Variants in ROR2 observed in about 807,000 individuals in gnomAD.
The protein encoded by ROR2 is ROR family WNT receptor 2.
Under a neutral mutation model 74.9 loss-of-function variants are expected in ROR2, and 33 were observed. That is an observed-to-expected ratio of 0.44 (90% CI 0.33 to 0.59). The LOEUF (loss-of-function observed/expected upper bound fraction) is 0.59, where lower values mean the gene tolerates loss of function less well. Ranked by LOEUF, ROR2 falls within the 20% of genes least tolerant of loss-of-function variation. The pLI is 0.02. For missense variants in ROR2, 1,216 were observed against 1,313.8 expected (o/e 0.93, Z 1.15); for synonymous variants, 586 against 558.7 (o/e 1.05, Z -0.69).
intron 1 of ROR2, among the ~76,000 whole-genome samples, chr9:91,867,781 C>T (rs1395601329): frequency 6.7e-6 from 1 of 149,350 alleles, no homozygotes; most frequent in African/African-American, 2.5e-5. Flanking sequence ...CAGTGTGGCA[C>T]ACATGTGGGA....
rs186705716 is a variant in ROR2 at position 91,922,424 on chromosome 9, A to G, written c.97+27443T>C. ...GTTAAATATCAACAGTTTGATGTCC[A>G]TACTGAATGTTGTTCTACTTAAATA... On this transcript the variant is annotated intron_variant, in intron 1 of 8. Transcript: ENST00000375708. Among the ~76,000 whole-genome samples, 18 of 152,264 alleles carry G rather than the reference A, an allele frequency of 1.2e-4. No individual in the cohort carries two copies. In the East Asian group the frequency reaches 3.3e-3, roughly 28 times the overall value.
chr9:91,831,558 A>T (rs1828466350), intron 1 of ROR2, among the ~76,000 whole-genome samples: 2 of 152,086 alleles, frequency 1.3e-5, no homozygotes, highest in Non-Finnish European at 2.9e-5. Context: ...GGTGGATCAC[A>T]TAAGGTCAGG....
intron 8 of ROR2, 37 bp downstream of exon 8, chr9:91,726,504 A>C: frequency 2.5e-6 from 4 of 1,589,742 alleles, no homozygotes; most frequent in Non-Finnish European, 3.4e-6. Context: ...TTAAACCTGG[A>C]AGAGCCACCC....
chr9:91,824,108 G>A (rs552401980), intron 1 of ROR2, among the ~76,000 whole-genome samples: 75 of 152,364 alleles, frequency 4.9e-4, no homozygotes, highest in African/African-American at 1.8e-3. Context: ...GATAGAATCT[G>A]CCAGACTTTC....
At chr9:91,904,882 C>T (rs555020926) in intron 1 of ROR2, among the ~76,000 whole-genome samples, 1 of 151,984 alleles carries the variant, frequency 6.6e-6, no homozygotes, top group African/African-American at 2.4e-5. Context: ...GGGACGGCTC[C>T]AAGGTGCACA....
Position 91,757,423 on chromosome 9 carries a change from C to A in ROR2, c.312G>T (p.Gln104His). ...RWLKNDAPVV[Q>H]EPRRIIIRKT... ...TCCGGATGATGATCCGCCGCGGCTCCTGCACCACCGGGGCATCATTCTTTA... is the reference window on the plus strand; with the variant it reads ...TCCGGATGATGATCCGCCGCGGCTCATGCACCACCGGGGCATCATTCTTTA... The change falls in exon 3 of 9, where the codon CAG becomes CAT. Residue 104 changes from glutamine to histidine, a missense_variant. By Grantham distance (24) the Gln-to-His change is conservative. Coordinates refer to ENST00000375708, the MANE Select transcript of ROR2 (RefSeq NM_004560.4). 1 of 1,613,912 alleles carries A rather than the reference C, an allele frequency of 6.2e-7. No individual in the cohort carries two copies. Among genetic ancestry groups the A allele is most frequent in the Non-Finnish European group, 8.5e-7 (1 of 1,179,984 alleles).
In ROR2 at chr9:91,744,900, T is replaced by A. The variant is rs111394183; in HGVS notation, c.495-7382A>T. On this transcript the variant is annotated intron_variant, in intron 4 of 8. Transcript: ENST00000375708. The stretch of plus-strand genomic sequence containing the variant: ...GCCAAACACTTTCCCCCTTGGAAGG[T>A]TGCTGTATCCTTGAAAAACCCTGAA... Among the ~76,000 whole-genome samples the A allele has an allele frequency of 8.5e-3, 1,300 of 152,224 alleles. 18 individuals are homozygous for A. Among genetic ancestry groups the A allele is most frequent in the African/African-American group, 0.03 (1,229 of 41,530 alleles).
At chr9:91,914,033 T>C (rs1831060467) in intron 1 of ROR2, among the ~76,000 whole-genome samples, 1 of 152,030 alleles carries the variant, frequency 6.6e-6, no homozygotes, top group African/African-American at 2.4e-5. Flanking sequence ...TCTGGAGAGT[T>C]TCCAGCCAGA....
At chr9:91,799,389 G>A (rs1740696346) in intron 1 of ROR2, among the ~76,000 whole-genome samples, 2 of 152,158 alleles carry the variant, frequency 1.3e-5, no homozygotes, top group Non-Finnish European at 1.5e-5. Context: ...GCCGAGACGG[G>A]GGCACGCATT....
chr9:91,754,935 C>G (rs75924618), intron 4 of ROR2, among the ~76,000 whole-genome samples: 3 of 152,046 alleles, frequency 2.0e-5, no homozygotes, highest in African/African-American at 7.2e-5. Context: ...GAGGATTGCT[C>G]GAGGCAAGAG....
At chr9:91,831,013 G>A (rs1224230078) in intron 1 of ROR2, among the ~76,000 whole-genome samples, 2 of 152,114 alleles carry the variant, frequency 1.3e-5, no homozygotes, top group Non-Finnish European at 2.9e-5. Flanking sequence ...TGTAACCCCA[G>A]CACTTTGGGA....
intron 1 of ROR2, among the ~76,000 whole-genome samples, chr9:91,833,474 C>A (rs906158732): frequency 1.3e-5 from 2 of 152,140 alleles, no homozygotes; most frequent in Non-Finnish European, 2.9e-5. Flanking sequence ...TTGAGGTCAC[C>A]CTCAACTGAT....
intron 7 of ROR2, among the ~76,000 whole-genome samples, chr9:91,728,887 C>T (rs1480656787): frequency 1.3e-5 from 2 of 152,196 alleles, no homozygotes; most frequent in Non-Finnish European, 2.9e-5. Context: ...CAGGCGTCTC[C>T]AACTGCCCCA....
At chr9:91,743,648 A>C (rs1431458201) in intron 4 of ROR2, among the ~76,000 whole-genome samples, 1 of 152,218 alleles carries the variant, frequency 6.6e-6, no homozygotes, top group East Asian at 1.9e-4. Flanking sequence ...CAAGAGCGTT[A>C]CAGACCAAAA....
intron 1 of ROR2, among the ~76,000 whole-genome samples, chr9:91,788,166 G>C (rs924001191): frequency 6.6e-6 from 1 of 152,008 alleles, no homozygotes; most frequent in Non-Finnish European, 1.5e-5. Flanking sequence ...AGATTATCTA[G>C]TCTGCAAAGA....
intron 2 of ROR2, among the ~76,000 whole-genome samples, chr9:91,768,771 C>G (rs986435313): frequency 3.9e-5 from 6 of 152,214 alleles, no homozygotes; most frequent in African/African-American, 1.4e-4. Flanking sequence ...GGCCCAAACT[C>G]TGCCCCGAAT....
chr9:91,772,560 C>T (rs1587705005), intron 2 of ROR2, among the ~76,000 whole-genome samples: 2 of 152,188 alleles, frequency 1.3e-5, no homozygotes, highest in African/African-American at 2.4e-5. Context: ...AAAGGCAGCC[C>T]GGCCTTCTGT....
At chr9:91,830,307 A>T (rs1316779015) in intron 1 of ROR2, among the ~76,000 whole-genome samples, 1 of 152,150 alleles carries the variant, frequency 6.6e-6, no homozygotes, top group Non-Finnish European at 1.5e-5. Flanking sequence ...TCTACAAACG[A>T]TAAAAATTTA....
intron 1 of ROR2, among the ~76,000 whole-genome samples, chr9:91,839,273 T>TGTGTGTAAGTACAGGC (rs1554681686): frequency 1.8e-4 from 24 of 130,770 alleles, no homozygotes; most frequent in African/African-American, 7.8e-4. Flanking sequence ...TGTGTGTGTG[T>TGTGTGTAAGTACAGGC]GTGTGTGTGT....
Sources: gnomAD v4.1 joint callset for allele counts (sites outside exome capture counted in the v4.1 genomes callset) on GRCh38, gnomAD v4.1.1 for gene constraint, MANE v1.5 for transcripts, NCBI Gene and HGNC (gene_info 2026-07-23, HGNC 2026-07-21) for gene names.